SHISA9: variants seen among roughly 807,000 people sequenced by gnomAD.
SHISA9 encodes the protein shisa family member 9.
A neutral mutation model predicts 38.0 loss-of-function variants in SHISA9; 13 were observed. That is an observed-to-expected ratio of 0.34 (90% confidence interval 0.22 to 0.54). SHISA9 has a LOEUF of 0.54. SHISA9 is among the 20% of genes least tolerant of loss of function. The pLI is 0.91. For missense variants in SHISA9, 538 were observed against 575.8 expected, an observed-to-expected ratio of 0.93 and a Z score of 0.67; for synonymous variants, 275 against 242.0, an observed-to-expected ratio of 1.14 and a Z score of -1.27.
intron 2 of SHISA9, among the ~76,000 whole-genome samples, chr16:12,932,690 T>A (rs554511950): frequency 6.6e-6 from 1 of 152,144 alleles, no homozygotes; most frequent in African/African-American, 2.4e-5. Context: ...CTCCATCAAG[T>A]ATATAGCAGG....
chr16:13,008,677 C>T (rs1207608141), intron 2 of SHISA9, among the ~76,000 whole-genome samples: 7 of 136,090 alleles, frequency 5.1e-5, no homozygotes, highest in Non-Finnish European at 9.5e-5. Context: ...CTCCCTCCCT[C>T]CCTCTCTCTC....
chr16:13,480,725 T>A, the SHISA9 span, among the ~76,000 whole-genome samples: 3 of 151,700 alleles, frequency 2.0e-5, no homozygotes, highest in African/African-American at 7.3e-5. Flanking sequence ...CAGCCAGAGA[T>A]AAGGGGCTGA....
chr16:13,341,131 G>C, the SHISA9 span, among the ~76,000 whole-genome samples: 14 of 152,152 alleles, frequency 9.2e-5, no homozygotes, highest in African/African-American at 3.4e-4. Context: ...TGTATCCCCA[G>C]CACCTGGCAC....
rs915033466 is a variant in SHISA9, at chr16:12,908,366, A to G, written c.563+5739A>G. ...GTCTATATGTGACTACGTTAAATAC[A>G]TTGCAAAGTGTTGGCCTAAGTGGTG... On this transcript the variant is annotated intron_variant, in intron 1 of 4. Transcript: ENST00000558583. The G allele has an allele frequency of 7.4e-6, 11 of 1,485,860 alleles. No homozygotes were observed. In the African/African-American group the frequency reaches 1.1e-4, roughly 15 times the overall value. 92.0% of individuals were successfully genotyped at this position (1,485,860 alleles called of 1,614,324 possible). A position where few individuals can be genotyped will look rare whatever the true frequency, so the allele number is the denominator to read the frequency against.
At chr16:13,204,134 T>TTATCTATC (rs60916250) in intron 3 of SHISA9, among the ~76,000 whole-genome samples, 10,645 of 149,252 alleles carry the variant, frequency 0.071, 396 homozygotes, top group African/African-American at 0.088. Context: ...TAACTACCTA[T>TTATCTATC]TATCTATCTA....
intron 2 of SHISA9, among the ~76,000 whole-genome samples, chr16:12,942,259 C>T (rs1462049302): frequency 2.6e-5 from 4 of 152,166 alleles, no homozygotes; most frequent in Admixed American, 6.5e-5. Flanking sequence ...GAGAGTGGAA[C>T]CTTCAGAAGT....
intron 2 of SHISA9, among the ~76,000 whole-genome samples, chr16:12,917,301 C>T (rs7193462): frequency 1.3e-5 from 2 of 151,896 alleles, no homozygotes; most frequent in Non-Finnish European, 2.9e-5. Flanking sequence ...TATGTCTATT[C>T]TTTGTAACGC....
intron 2 of SHISA9, among the ~76,000 whole-genome samples, chr16:13,128,922 C>A (rs183260393): frequency 6.6e-6 from 1 of 152,182 alleles, no homozygotes; most frequent in African/African-American, 2.4e-5. Flanking sequence ...GCAAATCCAC[C>A]TCTGTGGGGA....
the SHISA9 span, among the ~76,000 whole-genome samples, chr16:13,519,406 G>A: frequency 6.6e-6 from 1 of 152,200 alleles, no homozygotes; most frequent in South Asian, 2.1e-4. Flanking sequence ...AGCTCAACGG[G>A]TGATGGGTAG....
In SHISA9 at chr16:13,239,167, C is replaced by T. The variant is rs1353094838; in HGVS notation, c.*3758C>T. ...CATGTCCCTACAAAGGACATGAACT[C>T]ATCATTTTTTATGGCTGCATAGTAT... On this transcript the variant is annotated 3_prime_UTR_variant, in exon 5 of 5. Coordinates refer to ENST00000558583, the MANE Select transcript of SHISA9 (RefSeq NM_001145204.3). The T allele has an allele frequency of 6.6e-6, 1 of 151,724 alleles. No homozygotes were observed. Among genetic ancestry groups the T allele is most frequent in the East Asian group, 1.9e-4 (1 of 5,174 alleles). The allele number at this position is 151,724 out of a possible 1,614,324, so 9.4% of individuals were successfully genotyped here.
chr16:13,203,374 T>G lies in SHISA9; in HGVS notation c.692-20T>G. Reference sequence around the variant, plus strand: ...TTCTGCCCTGTCTGTGACAATCTCCTTCTGTGTCTTCACTTCCAGATGCCA... The same window carrying G: ...TTCTGCCCTGTCTGTGACAATCTCCGTCTGTGTCTTCACTTCCAGATGCCA... On this transcript the variant is annotated intron_variant, in intron 2 of 4. Coordinates refer to ENST00000558583, the MANE Select transcript of SHISA9 (RefSeq NM_001145204.3). 6.6e-7 allele frequency: 1 copy of G among 1,513,052 alleles called. No individual in the cohort carries two copies. Among genetic ancestry groups the G allele is most frequent in the Non-Finnish European group, 8.8e-7 (1 of 1,130,654 alleles). 93.7% of individuals were successfully genotyped at this position (1,513,052 alleles called of 1,614,324 possible).
intron 2 of SHISA9, among the ~76,000 whole-genome samples, chr16:13,165,149 G>A (rs2050625061): frequency 3.9e-5 from 6 of 152,012 alleles, no homozygotes; most frequent in Admixed American, 3.9e-4. Context: ...GAGAATTTGT[G>A]GCCATTAATT....
chr16:13,499,272 C>T, the SHISA9 span, among the ~76,000 whole-genome samples: 4 of 152,232 alleles, frequency 2.6e-5, no homozygotes, highest in African/African-American at 9.6e-5. Flanking sequence ...TATCACCACC[C>T]ACCAAAAATA....
chr16:12,950,422 A>G (rs763835808), intron 2 of SHISA9, among the ~76,000 whole-genome samples: 1 of 152,168 alleles, frequency 6.6e-6, no homozygotes, highest in African/African-American at 2.4e-5. Context: ...CAAAATCACA[A>G]TGAGAAATCA....
chr16:13,402,711 C>T, the SHISA9 span, among the ~76,000 whole-genome samples: 1 of 152,074 alleles, frequency 6.6e-6, no homozygotes, highest in African/African-American at 2.4e-5. Flanking sequence ...GGGGTTTCAC[C>T]ATCACACCCC....
the SHISA9 span, among the ~76,000 whole-genome samples, chr16:13,559,824 G>A: frequency 6.6e-6 from 1 of 152,180 alleles, no homozygotes; most frequent in African/African-American, 2.4e-5. Context: ...TGACAGGCTG[G>A]ATTACAGAAA....
the SHISA9 span, among the ~76,000 whole-genome samples, chr16:13,342,766 T>A: frequency 2.0e-5 from 3 of 152,194 alleles, no homozygotes; most frequent in Non-Finnish European, 4.4e-5. Context: ...TTATTTGCAA[T>A]CACCTGCTTC....
intron 2 of SHISA9, among the ~76,000 whole-genome samples, chr16:12,961,955 C>T (rs569911916): frequency 6.6e-5 from 10 of 152,288 alleles, no homozygotes; most frequent in South Asian, 4.1e-4. Context: ...GCCAGAACCT[C>T]GGGCCTGGTA....
At position 13,238,848 on chromosome 16, in the gene SHISA9, ATTATAC is replaced by A. The variant is rs1238661243; in HGVS notation, c.*3442_*3447del. 1.2e-4 allele frequency: 17 copies of A among 145,132 alleles called. No individual in the cohort carries two copies. Among genetic ancestry groups the A allele is most frequent in the Non-Finnish European group, 1.4e-4 (9 of 66,610 alleles). The allele number at this position is 145,132 out of a possible 1,614,324, so 9.0% of individuals were successfully genotyped here. ...TATTATTATTATTATTATTATTATT[ATTATAC>A]TTTAAGTTTTAGGGTACATGTGCAC... On this transcript the variant is annotated 3_prime_UTR_variant, in exon 5 of 5. Transcript: ENST00000558583.
Sources: allele counts gnomAD v4.1 joint callset (sites outside exome capture counted in the v4.1 genomes callset), GRCh38; gene constraint gnomAD v4.1.1; transcripts MANE v1.5; gene names NCBI Gene and HGNC (gene_info 2026-07-23, HGNC 2026-07-21).